NFIC: variants seen among roughly 807,000 people sequenced by gnomAD.
The protein encoded by NFIC is nuclear factor I C.
Under a neutral mutation model 54.4 loss-of-function variants are expected in NFIC, and 12 were observed. The ratio of observed to expected loss-of-function variants is 0.22; its 90% CI spans 0.14 to 0.36. NFIC has a LOEUF of 0.36. Among genes scored for constraint, NFIC ranks in the 10% least tolerant of loss-of-function variants. NFIC has a pLI of 1.00. For missense variants in NFIC, 575 were observed against 718.2 expected, an observed-to-expected ratio of 0.80 and a Z score of 2.28; for synonymous variants, 322 against 319.2, an observed-to-expected ratio of 1.01 and a Z score of -0.09.
At chr19:3,451,138 G>A (rs545538551) in intron 7 of NFIC, among the ~76,000 whole-genome samples, 16 of 152,290 alleles carry the variant, frequency 1.1e-4, no homozygotes, top group Admixed American at 3.3e-4. Flanking sequence ...CCATGAAAAC[G>A]CACGAGGCTC....
chr19:3,454,131 G>T (rs1480558641), intron 9 of NFIC: 2 of 1,345,992 alleles, frequency 1.5e-6, no homozygotes, highest in Non-Finnish European at 1.9e-6. Context: ...TCGGGCCAGG[G>T]TGAGAGTCCA....
At position 3,463,767 on chromosome 19, in the gene NFIC, G is replaced by T. The variant is rs115020939; in HGVS notation, c.*998G>T. ...GGAGCCCGGACACCCAGAGCTCCCC[G>T]AGTTGGGGGTGCCCGTCTGGAGCGC... On this transcript the variant is annotated 3_prime_UTR_variant, in exon 11 of 11. Transcript: ENST00000443272. 1 of 985,038 alleles carries T rather than the reference G, an allele frequency of 1.0e-6. No homozygotes were observed. The highest frequency in any genetic ancestry group is 1.8e-5 in the African/African-American group (1 of 57,082). 61.0% of individuals were successfully genotyped at this position (985,038 alleles called of 1,614,324 possible).
At chr19:3,362,693 A>G (rs552413787), upstream of NFIC, among the ~76,000 whole-genome samples, 1 of 152,120 alleles carries the variant, frequency 6.6e-6, no homozygotes, top group East Asian at 1.9e-4. Context: ...CTTGACTTTA[A>G]CATCCCTTCT....
At chr19:3,397,363 G>T (rs1246246587) in intron 2 of NFIC, among the ~76,000 whole-genome samples, 1 of 152,212 alleles carries the variant, frequency 6.6e-6, no homozygotes, top group African/African-American at 2.4e-5. Flanking sequence ...TCCGGATCCT[G>T]CCTTTGGGCC....
chr19:3,428,240 T>G (rs1372931919), intron 3 of NFIC, among the ~76,000 whole-genome samples: 1 of 150,318 alleles, frequency 6.7e-6, no homozygotes, highest in Non-Finnish European at 1.5e-5. Context: ...ACACCTGTAA[T>G]CCCAGTACTT....
At chr19:3,360,184 G>T (rs1258361440) in intron 1 of NFIC, among the ~76,000 whole-genome samples, 5 of 145,540 alleles carry the variant, frequency 3.4e-5, no homozygotes, top group Non-Finnish European at 7.6e-5. Context: ...GCGCCAGCTA[G>T]CGGAAAATGG....
At chr19:3,368,438 G>A (rs1303701528) in intron 1 of NFIC, among the ~76,000 whole-genome samples, 1 of 152,204 alleles carries the variant, frequency 6.6e-6, no homozygotes, top group Non-Finnish European at 1.5e-5. Flanking sequence ...GACCAGCCAG[G>A]AGGGCTGTCT....
chr19:3,368,829 T>A (rs991073744), intron 1 of NFIC, among the ~76,000 whole-genome samples: 1 of 152,162 alleles, frequency 6.6e-6, no homozygotes, highest in Non-Finnish European at 1.5e-5. Context: ...CTGACTCAGT[T>A]TCCCGAATCA....
At chr19:3,408,614 TTTTTATTTTA>T (rs537340414) in intron 2 of NFIC, among the ~76,000 whole-genome samples, 2 of 152,024 alleles carry the variant, frequency 1.3e-5, no homozygotes, top group African/African-American at 4.8e-5. Context: ...ACCCAGCTAA[TTTTTATTTTA>T]TTTTATTTTA....
At chr19:3,443,023 G>A (rs1222840664) in intron 6 of NFIC, among the ~76,000 whole-genome samples, 1 of 152,248 alleles carries the variant, frequency 6.6e-6, no homozygotes, top group African/African-American at 2.4e-5. Flanking sequence ...CATGGAGTGG[G>A]TCGAGGCCAG....
chr19:3,389,700 C>T (rs575616659), intron 2 of NFIC, among the ~76,000 whole-genome samples: 195 of 152,196 alleles, frequency 1.3e-3, no homozygotes, highest in African/African-American at 4.1e-3. Context: ...TGCTCACTTC[C>T]GGCCGGGCGC....
intron 6 of NFIC, among the ~76,000 whole-genome samples, chr19:3,443,893 G>A (rs931188831): frequency 6.6e-6 from 1 of 152,184 alleles, no homozygotes; most frequent in African/African-American, 2.4e-5. Flanking sequence ...ACGCCCCGTG[G>A]TCACTGCTGT....
At chr19:3,438,480 C>T (rs1308998466) in intron 6 of NFIC, among the ~76,000 whole-genome samples, 1 of 148,994 alleles carries the variant, frequency 6.7e-6, no homozygotes, top group African/African-American at 2.5e-5. Flanking sequence ...CTCTGTCGCC[C>T]AGGCTGGAGT....
At chr19:3,380,206 G>A (rs192942647) in intron 1 of NFIC, among the ~76,000 whole-genome samples, 14 of 148,238 alleles carry the variant, frequency 9.4e-5, no homozygotes, top group African/African-American at 3.0e-4. Context: ...GGGTTTCACT[G>A]TGTTAGCCAG....
chr19:3,443,402 A>C (rs1402412344), intron 6 of NFIC, among the ~76,000 whole-genome samples: 2 of 151,932 alleles, frequency 1.3e-5, no homozygotes, highest in Non-Finnish European at 2.9e-5. Flanking sequence ...CAGTCTGGGC[A>C]ACAGCGTGAG....
At chr19:3,421,141 C>T (rs1267845446) in intron 2 of NFIC, among the ~76,000 whole-genome samples, 1 of 152,264 alleles carries the variant, frequency 6.6e-6, no homozygotes, top group Non-Finnish European at 1.5e-5. Flanking sequence ...GCCCCGCTCC[C>T]TGGCTGCCCG....
intron 1 of NFIC, among the ~76,000 whole-genome samples, chr19:3,373,624 C>G (rs920655892): frequency 2.2e-4 from 27 of 124,900 alleles, no homozygotes; most frequent in Non-Finnish European, 3.8e-4. Context: ...TGGACCCCCC[C>G]CCCAAGCTAA....
upstream of NFIC, among the ~76,000 whole-genome samples, chr19:3,366,233 A>G (rs2080879404): frequency 6.8e-6 from 1 of 148,128 alleles, no homozygotes; most frequent in Non-Finnish European, 1.5e-5. Context: ...CATTGCGTAA[A>G]TACGGGAGGA....
intron 2 of NFIC, among the ~76,000 whole-genome samples, chr19:3,422,081 C>T (rs1054762840): frequency 6.6e-6 from 1 of 152,030 alleles, no homozygotes; most frequent in East Asian, 1.9e-4. Flanking sequence ...GGATTACAGG[C>T]ATGCACCACC....
Sources: allele counts gnomAD v4.1 joint callset (sites outside exome capture counted in the v4.1 genomes callset), GRCh38; gene constraint gnomAD v4.1.1; transcripts MANE v1.5; gene names NCBI Gene and HGNC (gene_info 2026-07-23, HGNC 2026-07-21).